NUP62: variants seen among roughly 807,000 people sequenced by gnomAD.
NUP62 encodes the protein nuclear pore glycoprotein p62.
For synonymous variants in NUP62, 305 were observed against 303.4 expected (o/e 1.01, Z -0.05); for missense variants, 647 against 689.4 (o/e 0.94, Z 0.69).
intron 2 of NUP62, among the ~76,000 whole-genome samples, chr19:49,917,382 AGT>A (rs1206188569): frequency 1.3e-5 from 2 of 152,238 alleles, no homozygotes; most frequent in Non-Finnish European, 2.9e-5. Flanking sequence ...CTCCTGAATC[AGT>A]TCCTCTTTCC....
At chr19:49,925,554 A>G (rs1002313600) in intron 2 of NUP62, among the ~76,000 whole-genome samples, 4 of 152,188 alleles carry the variant, frequency 2.6e-5, no homozygotes, top group African/African-American at 7.2e-5. Context: ...ATACCCAACC[A>G]GCATTTTTCC....
chr19:49,915,851 C>G (rs2075610306), intron 2 of NUP62, among the ~76,000 whole-genome samples: 1 of 152,226 alleles, frequency 6.6e-6, no homozygotes, highest in African/African-American at 2.4e-5. Context: ...TGACACCCAG[C>G]CACGATAGGC....
At chr19:49,926,182 C>G (rs542125215) in intron 2 of NUP62, among the ~76,000 whole-genome samples, 1 of 131,514 alleles carries the variant, frequency 7.6e-6, no homozygotes, top group East Asian at 2.2e-4. Flanking sequence ...GCACTCCAGC[C>G]TGGGCAACAG....
At chr19:49,927,140 C>T (rs981891692) in intron 2 of NUP62, among the ~76,000 whole-genome samples, 2 of 152,282 alleles carry the variant, frequency 1.3e-5, no homozygotes, top group East Asian at 3.9e-4. Flanking sequence ...GGACTACAGG[C>T]ATGAGCCACC....
Position 49,908,964 on chromosome 19 carries a change from T to TGGTGGTGGCGGTGGC in NUP62, c.829_843dup (p.Ala277_Thr281dup), listed in dbSNP as rs745331322. 8 of 1,608,360 alleles carry TGGTGGTGGCGGTGGC rather than the reference T, an allele frequency of 5.0e-6. No individual in the cohort carries two copies. Among genetic ancestry groups the TGGTGGTGGCGGTGGC allele is most frequent in the Non-Finnish European group, 6.8e-6 (8 of 1,176,934 alleles). On this transcript the variant is annotated inframe_insertion, in exon 3 of 3. Transcript: ENST00000352066. ...AAGCCGGTGGTGCTGCTGCTGCTGG[T>TGGTGGTGGCGGTGGC]GGTGGTGGCGGTGGCGGTGGCAGCG...
chr19:49,921,600 G>T lies in NUP62; in HGVS notation c.-78+6094C>A, dbSNP rs900637775. ...GTAGGTCAGGAAGAAGAGGGCAAAG[G>T]AGTCTGCATCAAACTGGGCTAAGGC... is the stretch of plus-strand genomic sequence containing the variant. On this transcript the variant is annotated intron_variant, in intron 2 of 2. Coordinates refer to ENST00000352066, the MANE Select transcript of NUP62 (RefSeq NM_016553.5). This position sits in a 1 kb window ranked among gnomAD's most constrained non-coding sequence, Gnocchi z 5.4. Among the ~76,000 whole-genome samples the T allele has an allele frequency of 6.6e-6, 1 of 152,210 alleles. No homozygotes were observed. The highest frequency in any genetic ancestry group is 1.5e-5 in the Non-Finnish European group (1 of 68,032).
chr19:49,925,342 C>T (rs1423941056), intron 2 of NUP62, among the ~76,000 whole-genome samples: 1 of 151,612 alleles, frequency 6.6e-6, no homozygotes, highest in Admixed American at 6.6e-5. Flanking sequence ...AATCCTAACA[C>T]TTTGGGAGGG....
At chr19:49,910,196 G>A (rs2075428535) in intron 2 of NUP62, among the ~76,000 whole-genome samples, 1 of 152,078 alleles carries the variant, frequency 6.6e-6, no homozygotes, top group Non-Finnish European at 1.5e-5. Flanking sequence ...TCAGATTTGA[G>A]GCACTGCCAC....
chr19:49,907,999 C>A lies in NUP62; in HGVS notation c.*240G>T, dbSNP rs892608821. On this transcript the variant is annotated 3_prime_UTR_variant, in exon 3 of 3. Coordinates refer to ENST00000352066, the MANE Select transcript of NUP62 (RefSeq NM_016553.5). ...GTGGTCGCAGTAGGTGAAAAGGGGC[C>A]AAAGATACTCAAATGAAAGCCACAG... 198 of 790,484 alleles carry A rather than the reference C, an allele frequency of 2.5e-4. No individual in the cohort carries two copies. The highest frequency in any genetic ancestry group is 3.1e-4 in the Non-Finnish European group (161 of 517,508). The allele number at this position is 790,484 out of a possible 1,614,324, so 49.0% of individuals were successfully genotyped here.
chr19:49,909,885 C>G lies in NUP62; in HGVS notation c.-77-1G>C. 1 of 1,491,086 alleles carries G rather than the reference C, an allele frequency of 6.7e-7. No individual in the cohort carries two copies. Among genetic ancestry groups the G allele is most frequent in the East Asian group, 2.3e-5 (1 of 43,172 alleles). 92.4% of individuals were successfully genotyped at this position (1,491,086 alleles called of 1,614,324 possible). ...GGTGTCTGCAGCCTTGGGAAGATTTCTAAAGCAGAGGAAGTGACATTGTCA... is the reference window on the plus strand; with the variant it reads ...GGTGTCTGCAGCCTTGGGAAGATTTGTAAAGCAGAGGAAGTGACATTGTCA... On this transcript the variant is annotated splice_acceptor_variant, in intron 2 of 2. Transcript: ENST00000352066. LOFTEE classifies it low-confidence loss of function (5UTR_SPLICE).
rs73932009 is a variant in NUP62, at chr19:49,920,730, G to A, written c.-78+6964C>T. 7.1e-3 allele frequency among the ~76,000 whole-genome samples: 1,087 copies of A among 152,342 alleles called. 5 individuals are homozygous for A. The highest frequency in any genetic ancestry group is 0.02 in the African/African-American group (839 of 41,574). ...AGAACAGGCTGGGGAAGAGCCTAGA[G>A]CTGAAACGCTCTGGTTGGCGGTGCA... On this transcript the variant is annotated intron_variant, in intron 2 of 2. Transcript: ENST00000352066.
chr19:49,914,745 T>TG (rs1485876290), intron 2 of NUP62, among the ~76,000 whole-genome samples: 1 of 131,566 alleles, frequency 7.6e-6, no homozygotes, highest in Non-Finnish European at 1.6e-5. Flanking sequence ...TTTTTTTTTT[T>TG]TTTTTTTTTT....
intron 2 of NUP62, among the ~76,000 whole-genome samples, chr19:49,914,129 G>A (rs992943388): frequency 6.6e-6 from 1 of 152,186 alleles, no homozygotes; most frequent in South Asian, 2.1e-4. Context: ...CAGGAGGATT[G>A]CTTAAGCCCA....
At chr19:49,922,486 C>T (rs967858949) in intron 2 of NUP62, among the ~76,000 whole-genome samples, 1 of 151,954 alleles carries the variant, frequency 6.6e-6, no homozygotes, top group Non-Finnish European at 1.5e-5. Flanking sequence ...CTCCGTCTCA[C>T]TGCTTGTAAA....
Position 49,909,105 on chromosome 19 carries a change from T to C in NUP62, c.703A>G (p.Thr235Ala), listed in dbSNP as rs771987135. The change falls in exon 3 of 3, where the codon ACT becomes GCT. Residue 235 changes from threonine to alanine, a missense_variant. Physicochemically the swap from Thr to Ala is moderately conservative, Grantham distance 58 (BLOSUM62 0). Transcript: ENST00000352066. The stretch of plus-strand genomic sequence containing the variant: ...ACAGGGGTACAGAGGGAGAGTCCAG[T>C]GGTGGCAGATGAGGTTGGAGCAGTT... ...IATAPTSSAT[T>A]GLSLCTPVTT... is the part of the protein sequence containing the mutation. 6 of 1,612,088 alleles carry C rather than the reference T, an allele frequency of 3.7e-6. No individual in the cohort carries two copies. The highest frequency in any genetic ancestry group is 3.4e-6 in the Non-Finnish European group (4 of 1,179,988).
chr19:49,920,727 A>G (rs148808976), intron 2 of NUP62, among the ~76,000 whole-genome samples: 2 of 152,332 alleles, frequency 1.3e-5, no homozygotes, highest in Non-Finnish European at 2.9e-5. Context: ...GGAAGAGCCT[A>G]GAGCTGAAAC....
At chr19:49,925,153 C>A (rs571427378) in intron 2 of NUP62, among the ~76,000 whole-genome samples, 2 of 151,858 alleles carry the variant, frequency 1.3e-5, no homozygotes, top group Non-Finnish European at 2.9e-5. Flanking sequence ...CCTAGCTACT[C>A]GGGAGGCTGA....
chr19:49,909,817 C>G lies in NUP62; in HGVS notation c.-10G>C, dbSNP rs771851940. ...AATTAAACCCGCTCATGGCTCCGGA[C>G]TCTGGTGGCGGCAGCTACTCTGGCT... On this transcript the variant is annotated 5_prime_UTR_variant, in exon 3 of 3. Coordinates refer to ENST00000352066, the MANE Select transcript of NUP62 (RefSeq NM_016553.5). 3 of 1,613,632 alleles carry G rather than the reference C, an allele frequency of 1.9e-6. No individual in the cohort carries two copies. The highest frequency in any genetic ancestry group is 8.5e-7 in the Non-Finnish European group (1 of 1,179,944).
rs1207833648 is a variant in NUP62 at position 49,928,536 on chromosome 19, T to G, written c.-199-721A>C. 5 of 123,868 alleles carry G rather than the reference T, an allele frequency of 4.0e-5. 1 individual carries two copies. The highest frequency in any genetic ancestry group is 2.9e-5 in the African/African-American group (1 of 34,892). 7.7% of individuals were successfully genotyped at this position (123,868 alleles called of 1,614,324 possible). A position where few individuals can be genotyped will look rare whatever the true frequency, so the allele number is the denominator to read the frequency against. On this transcript the variant is annotated intron_variant, in intron 1 of 2. Coordinates refer to ENST00000352066, the MANE Select transcript of NUP62 (RefSeq NM_016553.5). ...ACTCCGTCTCAAAAAAAAAAAACAGTTGAACAGGAATGTATGAGTTGAGCT... is the reference window on the plus strand; with the variant it reads ...ACTCCGTCTCAAAAAAAAAAAACAGGTGAACAGGAATGTATGAGTTGAGCT...
Sources: gnomAD v4.1 joint callset for allele counts (sites outside exome capture counted in the v4.1 genomes callset) on GRCh38, gnomAD v4.1.1 for gene constraint, Gnocchi (gnomAD v3.1) non-coding constraint, MANE v1.5 for transcripts, NCBI Gene and HGNC (gene_info 2026-07-23, HGNC 2026-07-21) for gene names.